PPFIA2: variants seen among roughly 807,000 people sequenced by gnomAD.
PPFIA2 encodes the protein liprin-alpha-2.
A neutral mutation model predicts 175.5 loss-of-function variants in PPFIA2; 46 were observed. The observed-to-expected ratio is 0.26, with a 90% CI of 0.21 to 0.34. PPFIA2 has a LOEUF of 0.34. PPFIA2 is among the 10% of genes least tolerant of loss of function. The pLI, the probability that PPFIA2 is intolerant of heterozygous loss-of-function variation, is 1.00. For synonymous variants in PPFIA2, 568 were observed against 511.4 expected (o/e 1.11, Z -1.49); for missense variants, 1,179 against 1,506.1 (o/e 0.78, Z 3.60).
At chr12:81,442,289 T>G (rs934770520) in intron 6 of PPFIA2, among the ~76,000 whole-genome samples, 5 of 152,052 alleles carry the variant, frequency 3.3e-5, no homozygotes, top group African/African-American at 1.2e-4. Flanking sequence ...TGTTATAAAT[T>G]GAAAAATTGA....
intron 4 of PPFIA2, among the ~76,000 whole-genome samples, chr12:81,576,225 AC>A (rs1194791367): frequency 6.6e-6 from 1 of 151,724 alleles, no homozygotes; most frequent in East Asian, 2.0e-4. Flanking sequence ...AGGTAGCAGT[AC>A]CTATCATAGA....
rs137946403 is a variant in PPFIA2, at chr12:81,463,141, T to G, written c.304-5275A>C. Among the ~76,000 whole-genome samples the G allele has an allele frequency of 3.3e-3, 507 of 152,186 alleles. 3 individuals carry two copies. Among genetic ancestry groups the G allele is most frequent in the African/African-American group, 0.011 (467 of 41,556 alleles). ...TATAGTAAATGTGCATGATGGAATATTATGCAAAGGGAAGAATAAACAGGT... is the reference window on the plus strand; with the variant it reads ...TATAGTAAATGTGCATGATGGAATAGTATGCAAAGGGAAGAATAAACAGGT... On this transcript the variant is annotated intron_variant, in intron 4 of 32. Coordinates refer to ENST00000549396, the MANE Select transcript of PPFIA2 (RefSeq NM_003625.5).
intron 7 of PPFIA2, among the ~76,000 whole-genome samples, chr12:81,420,289 G>C (rs1317103223): frequency 6.6e-6 from 1 of 151,984 alleles, no homozygotes; most frequent in African/African-American, 2.4e-5. Context: ...TCAAGAAAAT[G>C]CCACAAAAGG....
chr12:81,363,980 T>C (rs1054931329), intron 14 of PPFIA2, among the ~76,000 whole-genome samples: 4 of 151,860 alleles, frequency 2.6e-5, no homozygotes, highest in African/African-American at 4.8e-5. Context: ...CAATTTAGAA[T>C]TTAGTAGAAA....
At chr12:81,688,381 C>T (rs2074734259) in intron 3 of PPFIA2, among the ~76,000 whole-genome samples, 1 of 151,716 alleles carries the variant, frequency 6.6e-6, no homozygotes, top group Admixed American at 6.6e-5. Context: ...ATCCTAGATA[C>T]ACATAATTTA....
chr12:81,348,059 A>G (rs1267122255), intron 17 of PPFIA2, among the ~76,000 whole-genome samples: 1 of 152,164 alleles, frequency 6.6e-6, no homozygotes, highest in African/African-American at 2.4e-5. Context: ...AAAACTATTT[A>G]AAAATCTTGA....
At chr12:81,381,865 C>G (rs1462356273) in intron 9 of PPFIA2, among the ~76,000 whole-genome samples, 1 of 151,852 alleles carries the variant, frequency 6.6e-6, no homozygotes, top group African/African-American at 2.4e-5. Context: ...TCATTCACAC[C>G]TTCTGATATT....
At chr12:81,417,138 A>T (rs1050235057) in intron 7 of PPFIA2, 1 of 151,724 alleles carries the variant, frequency 6.6e-6, no homozygotes, top group African/African-American at 2.4e-5. Context: ...ATTCAAGTGT[A>T]TTCCATTTGC....
intron 23 of PPFIA2, among the ~76,000 whole-genome samples, chr12:81,298,988 G>A (rs2047156756): frequency 2.0e-5 from 3 of 152,096 alleles, no homozygotes; most frequent in Admixed American, 2.0e-4. Context: ...ATGAGGAAGG[G>A]CCCTGGCCTA....
intron 4 of PPFIA2, among the ~76,000 whole-genome samples, chr12:81,641,801 C>T (rs2065007429): frequency 6.6e-6 from 1 of 152,156 alleles, no homozygotes; most frequent in Non-Finnish European, 1.5e-5. Context: ...TGAATATTTA[C>T]TATTTTAAAA....
intron 4 of PPFIA2, among the ~76,000 whole-genome samples, chr12:81,521,035 A>G (rs1300238302): frequency 1.3e-5 from 2 of 152,178 alleles, no homozygotes; most frequent in Non-Finnish European, 2.9e-5. Context: ...ATGTTGCTCT[A>G]TTTTGTATAT....
intron 4 of PPFIA2, among the ~76,000 whole-genome samples, chr12:81,628,556 T>G (rs1263743607): frequency 2.0e-5 from 3 of 151,960 alleles, no homozygotes; most frequent in African/African-American, 7.3e-5. Context: ...GCTTTGTATT[T>G]TTAACGGAGA....
At chr12:81,507,840 G>T (rs1469790320) in intron 4 of PPFIA2, among the ~76,000 whole-genome samples, 1 of 152,118 alleles carries the variant, frequency 6.6e-6, no homozygotes, top group Non-Finnish European at 1.5e-5. Context: ...ATGAGAAACG[G>T]GAGAGACCTG....
At chr12:81,380,588 T>G (rs2037412371) in intron 9 of PPFIA2, among the ~76,000 whole-genome samples, 1 of 152,162 alleles carries the variant, frequency 6.6e-6, no homozygotes, top group African/African-American at 2.4e-5. Flanking sequence ...ATGTTGTAGC[T>G]TCATTTTATG....
chr12:81,374,724 A>G lies in PPFIA2; in HGVS notation c.1176T>C (p.Ala392=). Residue 392 remains alanine (A), a synonymous_variant, in exon 11 of 33, where the codon GCT becomes GCC. Transcript: ENST00000549396. ...NRQLQERLEL[A]EQKLQQTMRK... ...TCATGGTCTGCTGCAACTTTTGTTC[A>G]GCTAGCTCAAGACGTTCTTGTAACT... 1 of 1,613,296 alleles carries G rather than the reference A, an allele frequency of 6.2e-7. No individual in the cohort carries two copies. Among genetic ancestry groups the G allele is most frequent in the Non-Finnish European group, 8.5e-7 (1 of 1,179,500 alleles).
chr12:81,491,598 A>AT (rs1185929092), intron 4 of PPFIA2, among the ~76,000 whole-genome samples: 1 of 151,792 alleles, frequency 6.6e-6, no homozygotes, highest in Non-Finnish European at 1.5e-5. Context: ...GACATGAGAT[A>AT]TTGCGCTCTC....
intron 24 of PPFIA2, among the ~76,000 whole-genome samples, chr12:81,287,696 AC>A (rs1276353192): frequency 6.6e-6 from 1 of 151,794 alleles, no homozygotes; most frequent in African/African-American, 2.4e-5. Flanking sequence ...TCTCTCCACC[AC>A]CACTTTAGGG....
intron 4 of PPFIA2, among the ~76,000 whole-genome samples, chr12:81,585,027 T>C (rs1183882461): frequency 4.2e-5 from 4 of 96,138 alleles, no homozygotes; most frequent in African/African-American, 1.5e-4. Context: ...TATAATATAT[T>C]AATTATATTT....
intron 4 of PPFIA2, among the ~76,000 whole-genome samples, chr12:81,496,525 G>A (rs2060044104): frequency 6.6e-6 from 1 of 152,144 alleles, no homozygotes; most frequent in African/African-American, 2.4e-5. Flanking sequence ...CATATTTTCT[G>A]CTTTGTAGTA....
Sources: allele counts gnomAD v4.1 joint callset (sites outside exome capture counted in the v4.1 genomes callset), GRCh38; gene constraint gnomAD v4.1.1; transcripts MANE v1.5; gene names NCBI Gene and HGNC (gene_info 2026-07-23, HGNC 2026-07-21).